The following PYCARD variants were observed in gnomAD, a reference collection of about 807,000 sequenced individuals.
The protein encoded by PYCARD is apoptosis-associated speck-like protein containing a CARD.
In PYCARD, 10 loss-of-function variants were observed where a neutral mutation model predicts 10.0. The ratio of observed to expected loss-of-function variants is 1.00; its 90% CI spans 0.62 to 1.69. The LOEUF (loss-of-function observed/expected upper bound fraction) is 1.69, where lower values mean the gene tolerates loss of function less well. Among genes scored for constraint, PYCARD ranks in the 40% most tolerant of loss-of-function variants. The probability of loss-of-function intolerance (pLI) is 0.00; values close to 1 mark genes in which losing one functional copy is unlikely to be tolerated. For missense variants in PYCARD, 239 were observed against 260.2 expected, an observed-to-expected ratio of 0.92 and a Z score of 0.56; for synonymous variants, 121 against 122.3, an observed-to-expected ratio of 0.99 and a Z score of 0.07.
In PYCARD at chr16:31,202,173, G is replaced by T. The variant is rs755394985; in HGVS notation, c.305C>A (p.Ala102Asp). 4 of 1,606,996 alleles carry T rather than the reference G, an allele frequency of 2.5e-6. No individual in the cohort carries two copies. The South Asian group carries it at 3.3e-5, about 13-fold the overall frequency. The change falls in exon 2 of 3, where the codon GCC becomes GAC. Residue 102 changes from alanine to aspartate, a missense_variant. By Grantham distance (126) the Ala-to-Asp change is moderately radical (BLOSUM62 -2). Coordinates refer to ENST00000247470, the MANE Select transcript of PYCARD (RefSeq NM_013258.5). This position sits in a 1 kb window ranked among gnomAD's most constrained non-coding sequence, Gnocchi z 4.5. ...TGGCTTGGCTGCCGACTGAGGAGGGGCCTGGATCCCAGCTGGCGCGGCTCC... is the reference window on the plus strand; with the variant it reads ...TGGCTTGGCTGCCGACTGAGGAGGGTCCTGGATCCCAGCTGGCGCGGCTCC... ...GSGAAPAGIQ[A>D]PPQSAAKPGL... is the part of the protein sequence containing the mutation.
In PYCARD at chr16:31,202,561, G is replaced by A. The variant is rs758498448; in HGVS notation, c.130C>T (p.Leu44=). ...EGYGRIPRGA[L]LSMDALDLTD... is the part of the protein sequence containing the mutation. ...AGGTCCAAGGCGTCCATGGACAGCAGCGCGCCCCGCGGGATGCGCCCGTAG... is the reference window on the plus strand; with the variant it reads ...AGGTCCAAGGCGTCCATGGACAGCAACGCGCCCCGCGGGATGCGCCCGTAG... The change falls in exon 1 of 3, where the codon CTG becomes TTG. Residue 44 remains leucine (L), a synonymous_variant. Transcript: ENST00000247470. The surrounding 1 kb of genome is among the most constrained non-coding windows in gnomAD (Gnocchi z 4.5). 5.0e-6 allele frequency: 8 copies of A among 1,612,668 alleles called. No individual in the cohort carries two copies. The African/African-American group carries it at 6.7e-5, about 13-fold the overall frequency.
At position 31,202,406 on chromosome 16, in the gene PYCARD, G is replaced by T; in HGVS notation, c.274+11C>A. On this transcript the variant is annotated intron_variant, in intron 1 of 2. Transcript: ENST00000247470. The surrounding 1 kb of genome is among the most constrained non-coding windows in gnomAD (Gnocchi z 4.5). ...GGAAAGACGGGGTGGAGGGGAACGG[G>T]GGCGGCTCACCCTGGTGCGTGGCCG... The T allele has an allele frequency of 6.5e-7, 1 of 1,529,944 alleles. No homozygotes were observed. The allele number at this position is 1,529,944 out of a possible 1,614,324, so 94.8% of individuals were successfully genotyped here. A position where few individuals can be genotyped will look rare whatever the true frequency, so the allele number is the denominator to read the frequency against.
rs758894522 is a variant in PYCARD, at chr16:31,202,161, G to A, written c.317C>T (p.Ser106Leu). The A allele has an allele frequency of 6.2e-7, 1 of 1,607,356 alleles. No homozygotes were observed. The highest frequency in any genetic ancestry group is 1.7e-5 in the Admixed American group (1 of 59,962). ...APAGIQAPPQ[S>L]AAKPGLHFID... ...GGAGGCCTCACCTGGCTTGGCTGCC[G>A]ACTGAGGAGGGGCCTGGATCCCAGC... is the stretch of plus-strand genomic sequence containing the variant. The change falls in exon 2 of 3, where the codon TCG becomes TTG. Residue 106 changes from serine (S) to leucine (L), a missense_variant. Transcript: ENST00000247470. The surrounding 1 kb of genome is among the most constrained non-coding windows in gnomAD (Gnocchi z 4.5).
chr16:31,202,193 G>A lies in PYCARD; in HGVS notation c.285C>T (p.Ala95=). The A allele has an allele frequency of 1.9e-6, 3 of 1,604,932 alleles. No individual in the cohort carries two copies. The highest frequency in any genetic ancestry group is 1.3e-5 in the African/African-American group (1 of 75,054). ...LQAATHQGSG[A]APAGIQAPPQ... ...GAGGGGCCTGGATCCCAGCTGGCGC[G>A]GCTCCAGAGCCTGGAAGGATATGGG... is the stretch of plus-strand genomic sequence containing the variant. The change falls in exon 2 of 3, where the codon GCC becomes GCT. Residue 95 remains alanine, a synonymous_variant. Transcript: ENST00000247470. This position sits in a 1 kb window ranked among gnomAD's most constrained non-coding sequence, Gnocchi z 4.5.
rs1567488213 is a variant in PYCARD, at chr16:31,202,367, GGT to G, written c.274+48_274+49del. The G allele has an allele frequency of 1.3e-6, 2 of 1,529,688 alleles. No individual in the cohort carries two copies. The highest frequency in any genetic ancestry group is 1.4e-5 in the African/African-American group (1 of 72,970). 94.8% of individuals were successfully genotyped at this position (1,529,688 alleles called of 1,614,324 possible). A position where few individuals can be genotyped will look rare whatever the true frequency, so the allele number is the denominator to read the frequency against. The stretch of plus-strand genomic sequence containing the variant: ...CGGAAGAGCCCGCGGGGTAAGCGCT[GGT>G]GTGGGTGGAGGGGAAAGACGGGGTG... On this transcript the variant is annotated intron_variant, in intron 1 of 2. Transcript: ENST00000247470. The surrounding 1 kb of genome is among the most constrained non-coding windows in gnomAD (Gnocchi z 4.5).
rs746179784 is a variant in PYCARD at position 31,201,855 on chromosome 16, G to A, written c.332-14C>T. The A allele has an allele frequency of 1.2e-6, 2 of 1,611,484 alleles. No homozygotes were observed. The highest frequency in any genetic ancestry group is 1.7e-5 in the Admixed American group (1 of 59,980). On this transcript the variant is annotated splice_polypyrimidine_tract_variant and intron_variant, in intron 2 of 2. Coordinates refer to ENST00000247470, the MANE Select transcript of PYCARD (RefSeq NM_013258.5). ...TAAAGTGCAGGCCTGGGGGTGGGAG[G>A]AGAACATGAGCCAGCAGCCAGGGTG...
chr16:31,201,628 C>A lies in PYCARD; in HGVS notation c.545G>T (p.Arg182Met), dbSNP rs1472258056. 1.4e-5 allele frequency: 23 copies of A among 1,613,996 alleles called. No individual in the cohort carries two copies. Among genetic ancestry groups the A allele is most frequent in the Non-Finnish European group, 1.9e-5 (23 of 1,180,020 alleles). The change falls in exon 3 of 3, where the codon AGG becomes ATG. Residue 182 changes from arginine (R) to methionine (M), a missense_variant. Arg to Met is a moderately conservative substitution (Grantham distance 91). Coordinates refer to ENST00000247470, the MANE Select transcript of PYCARD (RefSeq NM_013258.5). The part of the protein sequence containing the change: ...TCKDLLLQAL[R>M]ESQSYLVEDL... ...CTCCACCAGGTAGGACTGGGACTCC[C>A]TTAGGGCCTGGAGGAGCAAGTCCTT... is the stretch of plus-strand genomic sequence containing the variant.
rs1288358514 is a variant in PYCARD, at chr16:31,202,008, C to T, written c.331+139G>A. The T allele has an allele frequency of 4.1e-6, 6 of 1,450,404 alleles. No homozygotes were observed. In the African/African-American group the frequency reaches 4.2e-5, roughly 10 times the overall value. 89.8% of individuals were successfully genotyped at this position (1,450,404 alleles called of 1,614,324 possible). On this transcript the variant is annotated intron_variant, in intron 2 of 2. Coordinates refer to ENST00000247470, the MANE Select transcript of PYCARD (RefSeq NM_013258.5). The surrounding 1 kb of genome is among the most constrained non-coding windows in gnomAD (Gnocchi z 4.5). ...GAGGGTAATATTGTCTCCCTTCCCC[C>T]GCAGGGTGTGGGTTGGTGGGTGGGG...
chr16:31,202,089 G>T lies in PYCARD; in HGVS notation c.331+58C>A, dbSNP rs2079447399. The T allele has an allele frequency of 1.9e-6, 3 of 1,571,692 alleles. No individual in the cohort carries two copies. Among genetic ancestry groups the T allele is most frequent in the Middle Eastern group, 2.2e-4 (1 of 4,552 alleles). ...GCCCTGCCCTGCCCTGGTTGCGGGA[G>T]CACAGATGCAGGCTGTGCAGGAGTG... On this transcript the variant is annotated intron_variant, in intron 2 of 2. Coordinates refer to ENST00000247470, the MANE Select transcript of PYCARD (RefSeq NM_013258.5). The surrounding 1 kb of genome is among the most constrained non-coding windows in gnomAD (Gnocchi z 4.5).
At position 31,201,724 on chromosome 16, in the gene PYCARD, C is replaced by T. The variant is rs145616548; in HGVS notation, c.449G>A (p.Arg150Gln). 91 of 1,614,098 alleles carry T rather than the reference C, an allele frequency of 5.6e-5. No homozygotes were observed. The highest frequency in any genetic ancestry group is 6.8e-5 in the Non-Finnish European group (80 of 1,180,054). The change falls in exon 3 of 3, where the codon CGG becomes CAG. Residue 150 changes from arginine (R) to glutamine (Q), a missense_variant. Arg to Gln is a conservative substitution (Grantham distance 43, BLOSUM62 1). Transcript: ENST00000247470. ...CTTGCTTGGGTTGGTGGGCTCGGCC[C>T]GCACTGCCTGGTACTGCTCATCCGT... is the stretch of plus-strand genomic sequence containing the variant. Reference protein sequence around the residue: ...VLTDEQYQAVRAEPTNPSKMR... With the variant: ...VLTDEQYQAVQAEPTNPSKMR...
chr16:31,201,902 T>G (rs1269541562), intron 2 of PYCARD, 61 bp from the exon 3 acceptor site: 2 of 1,595,070 alleles, frequency 1.3e-6, no homozygotes, highest in Non-Finnish European at 1.7e-6. Flanking sequence ...CCTGCTGAAC[T>G]TGAGTTCTTC....
In PYCARD at chr16:31,201,797, C is replaced by T. The variant is rs775599483; in HGVS notation, c.376G>A (p.Val126Ile). ...TCCAGCAGCCACTCAACGTTTGTGA[C>T]CCTCGCGATAAGCGCAGCCCGGTGC... ...DQHRAALIAR[V>I]TNVEWLLDAL... The change falls in exon 3 of 3, where the codon GTC becomes ATC. Residue 126 changes from valine to isoleucine, a missense_variant. Physicochemically the swap from Val to Ile is conservative, Grantham distance 29. Coordinates refer to ENST00000247470, the MANE Select transcript of PYCARD (RefSeq NM_013258.5). 54 of 1,614,194 alleles carry T rather than the reference C, an allele frequency of 3.3e-5. No individual in the cohort carries two copies. Among genetic ancestry groups the T allele is most frequent in the Non-Finnish European group, 4.2e-5 (49 of 1,180,030 alleles).
chr16:31,201,881 T>C (rs1292008166), intron 2 of PYCARD, 40 bp from the exon 3 acceptor site: 2 of 1,607,276 alleles, frequency 1.2e-6, no homozygotes, highest in East Asian at 2.2e-5. Flanking sequence ...AGCCAGGGTG[T>C]GGGGCCTGTC....
Position 31,201,827 on chromosome 16 carries a change from CTATAA to C in PYCARD, c.341_345del (p.Phe114Ter). On this transcript the variant is annotated frameshift_variant, in exon 3 of 3. Coordinates refer to ENST00000247470, the MANE Select transcript of PYCARD (RefSeq NM_013258.5). LOFTEE classifies it low-confidence loss of function (END_TRUNC). ...GCGATAAGCGCAGCCCGGTGCTGGT[CTATAA>C]AGTGCAGGCCTGGGGGTGGGAGGAG... 9 of 1,614,094 alleles carry C rather than the reference CTATAA, an allele frequency of 5.6e-6. No homozygotes were observed. The highest frequency in any genetic ancestry group is 7.6e-6 in the Non-Finnish European group (9 of 1,180,028).
At position 31,202,104 on chromosome 16, in the gene PYCARD, G is replaced by T; in HGVS notation, c.331+43C>A. ...GGTTGCGGGAGCACAGATGCAGGCT[G>T]TGCAGGAGTGCGGTGGGGCCGGGCT... On this transcript the variant is annotated intron_variant, in intron 2 of 2. Coordinates refer to ENST00000247470, the MANE Select transcript of PYCARD (RefSeq NM_013258.5). The surrounding 1 kb of genome is among the most constrained non-coding windows in gnomAD (Gnocchi z 4.5). The T allele has an allele frequency of 6.3e-7, 1 of 1,593,756 alleles. No homozygotes were observed.
rs751816389 is a variant in PYCARD at position 31,202,164 on chromosome 16, T to C, written c.314A>G (p.Gln105Arg). ...AAPAGIQAPP[Q>R]SAAKPGLHFI... ...GGCCTCACCTGGCTTGGCTGCCGAC[T>C]GAGGAGGGGCCTGGATCCCAGCTGG... The change falls in exon 2 of 3, where the codon CAG becomes CGG. Residue 105 changes from glutamine (Q) to arginine (R), a missense_variant. Gln to Arg is a conservative substitution (Grantham distance 43). Coordinates refer to ENST00000247470, the MANE Select transcript of PYCARD (RefSeq NM_013258.5). This position sits in a 1 kb window ranked among gnomAD's most constrained non-coding sequence, Gnocchi z 4.5. 41 of 1,607,120 alleles carry C rather than the reference T, an allele frequency of 2.6e-5. No individual in the cohort carries two copies. Among genetic ancestry groups the C allele is most frequent in the Middle Eastern group, 1.7e-4 (1 of 5,862 alleles).
At chr16:31,201,889 G>A (rs1478486378) in intron 2 of PYCARD, 48 bp from the exon 3 acceptor site, 15 of 1,602,506 alleles carry the variant, frequency 9.4e-6, no homozygotes, top group Non-Finnish European at 1.3e-5. Context: ...TGTGGGGCCT[G>A]TCCCTGCTGA....
Position 31,202,096 on chromosome 16 carries a change from T to C in PYCARD, c.331+51A>G. The C allele has an allele frequency of 6.3e-7, 1 of 1,582,946 alleles. No homozygotes were observed. On this transcript the variant is annotated intron_variant, in intron 2 of 2. Transcript: ENST00000247470. This position sits in a 1 kb window ranked among gnomAD's most constrained non-coding sequence, Gnocchi z 4.5. Reference sequence around the variant, plus strand: ...CCTGCCCTGGTTGCGGGAGCACAGATGCAGGCTGTGCAGGAGTGCGGTGGG... The same window carrying C: ...CCTGCCCTGGTTGCGGGAGCACAGACGCAGGCTGTGCAGGAGTGCGGTGGG...
rs765120763 is a variant in PYCARD, at chr16:31,201,817, C to T, written c.356G>A (p.Arg119Gln). The T allele has an allele frequency of 6.2e-7, 1 of 1,614,162 alleles. No homozygotes were observed. The highest frequency in any genetic ancestry group is 8.5e-7 in the Non-Finnish European group (1 of 1,180,038). The change falls in exon 3 of 3, where the codon CGG (arginine) becomes CAG (glutamine). Residue 119 changes from arginine (R) to glutamine (Q), a missense_variant. Arg to Gln is a conservative substitution (Grantham distance 43, BLOSUM62 1). Coordinates refer to ENST00000247470, the MANE Select transcript of PYCARD (RefSeq NM_013258.5). ...TGTGACCCTCGCGATAAGCGCAGCC[C>T]GGTGCTGGTCTATAAAGTGCAGGCC... ...KPGLHFIDQH[R>Q]AALIARVTNV...
Sources: allele counts gnomAD v4.1 joint callset, GRCh38; gene constraint gnomAD v4.1.1; non-coding constraint Gnocchi (gnomAD v3.1); transcripts MANE v1.5; gene names NCBI Gene and HGNC (gene_info 2026-07-23, HGNC 2026-07-21).